Variants in DENND4C observed in about 807,000 individuals in gnomAD.
The protein encoded by DENND4C is DENN domain-containing protein 4C.
DENND4C carries 108 observed loss-of-function variants against 203.0 expected under a neutral mutation model. That is an observed-to-expected ratio of 0.53 (90% CI 0.46 to 0.62). The LOEUF is 0.62. Ranked by LOEUF, DENND4C falls within the 20% of genes least tolerant of loss-of-function variation. The pLI, the probability that DENND4C is intolerant of heterozygous loss-of-function variation, is 0.00. For synonymous variants in DENND4C, 871 were observed against 792.4 expected, an observed-to-expected ratio of 1.10 and a Z score of -1.67; for missense variants, 2,481 against 2,301.2, an observed-to-expected ratio of 1.08 and a Z score of -1.60.
chr9:19,288,781 A>G (rs1835704635), intron 4 of DENND4C, 116 bp downstream of exon 4: 1 of 490,180 alleles, frequency 2.0e-6, no homozygotes, highest in East Asian at 3.6e-5. Flanking sequence ...ATCTATTCAT[A>G]AAATTATCTA....
chr9:19,338,903 ATG>A (rs1168961253), intron 20 of DENND4C, among the ~76,000 whole-genome samples: 3 of 152,162 alleles, frequency 2.0e-5, no homozygotes, highest in African/African-American at 7.2e-5. Context: ...ATGTTATTTT[ATG>A]TGTCTTTTAT....
intron 2 of DENND4C, among the ~76,000 whole-genome samples, chr9:19,283,348 G>A (rs1293424203): frequency 6.6e-6 from 1 of 151,960 alleles, no homozygotes; most frequent in Non-Finnish European, 1.5e-5. Context: ...ATGCCTTCTG[G>A]AATACCTCCT....
At position 19,357,048 on chromosome 9, in the gene DENND4C, C is replaced by T. The variant is rs1472228565; in HGVS notation, c.4858C>T (p.His1620Tyr). 3 of 1,613,906 alleles carry T rather than the reference C, an allele frequency of 1.9e-6. No individual in the cohort carries two copies. Among genetic ancestry groups the T allele is most frequent in the Non-Finnish European group, 2.5e-6 (3 of 1,179,910 alleles). Residue 1620 changes from histidine to tyrosine, a missense_variant, in exon 27 of 33, where the codon CAC becomes TAC. By Grantham distance (83) the His-to-Tyr change is moderately conservative. This residue lies in a region of DENND4C where 2,289 missense variants were observed against 2,113.3 expected (regional missense o/e 1.08). Transcript: ENST00000434457. ...SIPLANESLEHKPVSSLAEPD... is the reference protein window; with the variant it reads ...SIPLANESLEYKPVSSLAEPD... ...TCCATTGGCAAATGAATCCTTGGAG[C>T]ACAAACCTGTATCCAGTTTAGCAGA...
intron 1 of DENND4C, among the ~76,000 whole-genome samples, chr9:19,269,382 C>T (rs1195395285): frequency 1.3e-5 from 2 of 152,180 alleles, no homozygotes; most frequent in African/African-American, 4.8e-5. Context: ...TGGTCTCGAA[C>T]TCCTGACCTC....
At chr9:19,321,744 A>ATCAT (rs1842915532) in intron 12 of DENND4C, among the ~76,000 whole-genome samples, 1 of 151,574 alleles carries the variant, frequency 6.6e-6, no homozygotes, top group African/African-American at 2.4e-5. Flanking sequence ...AGGCAGGAGA[A>ATCAT]TCACTCGAAC....
intron 1 of DENND4C, among the ~76,000 whole-genome samples, chr9:19,242,947 C>T (rs1172092460): frequency 6.6e-6 from 1 of 152,112 alleles, no homozygotes; most frequent in Non-Finnish European, 1.5e-5. Context: ...AGCCACCATG[C>T]CTGGCCTAAG....
At chr9:19,328,681 A>G (rs377246608) in intron 16 of DENND4C, among the ~76,000 whole-genome samples, 5 of 142,626 alleles carry the variant, frequency 3.5e-5, no homozygotes, top group East Asian at 3.9e-4. Flanking sequence ...CTATCTATCT[A>G]TCTATCTATC....
intron 30 of DENND4C, among the ~76,000 whole-genome samples, chr9:19,366,846 G>T (rs536792486): frequency 1.9e-4 from 29 of 152,258 alleles, no homozygotes; most frequent in Non-Finnish European, 3.2e-4. Context: ...AAAAGAAAAA[G>T]TAGATAAGTT....
At chr9:19,273,231 G>A (rs540700164) in intron 1 of DENND4C, among the ~76,000 whole-genome samples, 3 of 151,826 alleles carry the variant, frequency 2.0e-5, no homozygotes, top group South Asian at 2.1e-4. Context: ...TATTACAGGC[G>A]TGAGCCACTG....
chr9:19,369,426 T>G (rs1468443359), intron 30 of DENND4C, among the ~76,000 whole-genome samples: 2 of 152,132 alleles, frequency 1.3e-5, no homozygotes, highest in Non-Finnish European at 2.9e-5. Flanking sequence ...AGTGGGGAAG[T>G]GCTATTGGTT....
chr9:19,322,268 G>C (rs1455106562), intron 12 of DENND4C, among the ~76,000 whole-genome samples: 1 of 152,148 alleles, frequency 6.6e-6, no homozygotes, highest in African/African-American at 2.4e-5. Context: ...CTTGTGCTCA[G>C]CCACCCTAAT....
intron 1 of DENND4C, among the ~76,000 whole-genome samples, chr9:19,254,495 C>G (rs1034033794): frequency 6.6e-6 from 1 of 152,082 alleles, no homozygotes; most frequent in Non-Finnish European, 1.5e-5. Flanking sequence ...TACAGAAAGA[C>G]AAATATTGTA....
chr9:19,265,332 C>T (rs1044577327), intron 1 of DENND4C, among the ~76,000 whole-genome samples: 8 of 152,040 alleles, frequency 5.3e-5, no homozygotes, highest in African/African-American at 1.4e-4. Context: ...TTTAAATTTT[C>T]CTTCTGAATC....
chr9:19,347,025 C>T lies in DENND4C; in HGVS notation c.4256C>T (p.Ala1419Val), dbSNP rs779036174. The T allele has an allele frequency of 6.2e-6, 10 of 1,613,946 alleles. No individual in the cohort carries two copies. In the East Asian group the frequency reaches 8.9e-5, roughly 14 times the overall value. The change falls in exon 23 of 33, where the codon GCG becomes GTG. Residue 1419 changes from alanine (A) to valine (V), a missense_variant. By Grantham distance (64) the Ala-to-Val change is moderately conservative (BLOSUM62 0). Coordinates refer to ENST00000434457, the MANE Select transcript of DENND4C (RefSeq NM_001330640.2). ...CTGAAATCTGGTATGAAACAAGCAG[C>T]GACAGTAGCCAGTAAGATGTGGGTA... ...DVLKSGMKQA[A>V]TVASKMWVAV...
chr9:19,253,342 A>G (rs1827122465), intron 1 of DENND4C, among the ~76,000 whole-genome samples: 1 of 152,312 alleles, frequency 6.6e-6, no homozygotes, highest in Admixed American at 6.5e-5. Context: ...CCTTTTAGGC[A>G]TTTGTTATTT....
intron 8 of DENND4C, 56 bp from the exon 9 acceptor site, chr9:19,300,131 A>G (rs1838257545): frequency 6.7e-7 from 1 of 1,496,208 alleles, no homozygotes; most frequent in African/African-American, 1.4e-5. Context: ...AGCAAATCTT[A>G]ACATATTTCA....
rs1825074569 is a variant in DENND4C at position 19,355,017 on chromosome 9, C to G, written c.4782-1955C>G. ...CCCCACCTCCCAGGTTCATGCCATC[C>G]TCCTGCCTCAGCCTCCCAAGTAGCT... On this transcript the variant is annotated intron_variant, in intron 26 of 32. Transcript: ENST00000434457. Among the ~76,000 whole-genome samples, 2 of 151,860 alleles carry G rather than the reference C, an allele frequency of 1.3e-5. 1 individual carries two copies. The highest frequency in any genetic ancestry group is 4.2e-4 in the South Asian group (2 of 4,814).
rs1824381363 is a variant in DENND4C, at chr9:19,243,792, C to T, written c.-18+12959C>T. Among the ~76,000 whole-genome samples the T allele has an allele frequency of 4.6e-5, 7 of 152,224 alleles. No individual in the cohort carries two copies. The South Asian group carries it at 1.5e-3, about 32-fold the overall frequency. ...CTTTTGGCTATTCTGAGTAGTGCTGCTATGAATATTTACATACAGATTTTT... is the reference window on the plus strand; with the variant it reads ...CTTTTGGCTATTCTGAGTAGTGCTGTTATGAATATTTACATACAGATTTTT... On this transcript the variant is annotated intron_variant, in intron 1 of 32. Coordinates refer to ENST00000434457, the MANE Select transcript of DENND4C (RefSeq NM_001330640.2).
chr9:19,278,223 C>T (rs1223635450), intron 2 of DENND4C, among the ~76,000 whole-genome samples: 2 of 151,940 alleles, frequency 1.3e-5, no homozygotes, highest in Admixed American at 6.6e-5. Context: ...GCAACCTCCG[C>T]CTCCCGGGTT....
Sources: gnomAD v4.1 joint callset for allele counts (sites outside exome capture counted in the v4.1 genomes callset) on GRCh38, gnomAD v4.1.1 for gene constraint, gnomAD v4.1.1 regional missense constraint, MANE v1.5 for transcripts, NCBI Gene and HGNC (gene_info 2026-07-23, HGNC 2026-07-21) for gene names.